The following OSBPL10 variants were observed in gnomAD, a reference collection of about 807,000 sequenced individuals.
The protein encoded by OSBPL10 is oxysterol binding protein like 10.
Under a neutral mutation model 81.7 loss-of-function variants are expected in OSBPL10, and 49 were observed. The observed-to-expected ratio is 0.60, with a 90% CI of 0.48 to 0.76. The LOEUF is 0.76. Among genes scored for constraint, OSBPL10 ranks in the 30% least tolerant of loss-of-function variants. The pLI is 0.00. For missense variants in OSBPL10, 923 were observed against 987.8 expected, an observed-to-expected ratio of 0.93 and a Z score of 0.88; for synonymous variants, 419 against 383.6, an observed-to-expected ratio of 1.09 and a Z score of -1.08.
chr3:31,851,645 C>G (rs1188886580), intron 3 of OSBPL10, among the ~76,000 whole-genome samples: 1 of 152,238 alleles, frequency 6.6e-6, no homozygotes, highest in African/African-American at 2.4e-5. Flanking sequence ...CAGTGCAACA[C>G]AGAGCACAGG....
intron 7 of OSBPL10, among the ~76,000 whole-genome samples, chr3:31,689,558 A>C (rs1700888561): frequency 6.6e-6 from 1 of 152,056 alleles, no homozygotes; most frequent in Admixed American, 6.6e-5. Flanking sequence ...CCCCACCCAA[A>C]TTTCATCTTG....
intron 6 of OSBPL10, chr3:31,710,470 C>CT (rs1696216602): frequency 6.6e-6 from 1 of 152,328 alleles, no homozygotes; most frequent in African/African-American, 2.4e-5. Flanking sequence ...TCTCCTAGGC[C>CT]TTCCCCACTG....
Position 31,692,349 on chromosome 3 carries a change from C to A in OSBPL10, c.1246-8235G>T, listed in dbSNP as rs565072233. Among the ~76,000 whole-genome samples, 19 of 152,204 alleles carry A rather than the reference C, an allele frequency of 1.2e-4. No homozygotes were observed. The South Asian group carries it at 2.7e-3, about 22-fold the overall frequency. On this transcript the variant is annotated intron_variant, in intron 7 of 11. Coordinates refer to ENST00000396556, the MANE Select transcript of OSBPL10 (RefSeq NM_017784.5). The stretch of plus-strand genomic sequence containing the variant: ...AGTGTTAAATTAGTCCAGTGCCTAC[C>A]TAGTATCCAGGAAACGCTCATTCTT...
At chr3:31,769,132 T>C (rs561697441) in intron 4 of OSBPL10, among the ~76,000 whole-genome samples, 350 of 152,032 alleles carry the variant, frequency 2.3e-3, no homozygotes, top group African/African-American at 8.1e-3. Flanking sequence ...AGACAAAACA[T>C]GCAAGCATGA....
At chr3:31,844,513 T>G (rs968020294) in intron 3 of OSBPL10, among the ~76,000 whole-genome samples, 2 of 152,122 alleles carry the variant, frequency 1.3e-5, no homozygotes, top group African/African-American at 4.8e-5. Flanking sequence ...TTGTTGAAAC[T>G]CAAAAACATT....
chr3:31,949,029 G>A (rs1317118314), intron 1 of OSBPL10, among the ~76,000 whole-genome samples: 1 of 152,118 alleles, frequency 6.6e-6, no homozygotes, highest in Non-Finnish European at 1.5e-5. Context: ...AAGTCCAAAG[G>A]AAATAAATGG....
intron 1 of OSBPL10, among the ~76,000 whole-genome samples, chr3:31,900,771 C>A (rs904405107): frequency 6.6e-6 from 1 of 152,174 alleles, no homozygotes; most frequent in African/African-American, 2.4e-5. Context: ...CCTTTTCCTG[C>A]CTTACTGCAA....
chr3:32,026,057 T>TAGATGATAGATAGATAGATGATTGATA lies in OSBPL10; in HGVS notation n.298+20433_298+20434insTATCAATCATCTATCTATCTATCATCT, dbSNP rs58717718. On this transcript the variant is annotated intron_variant and non_coding_transcript_variant, in intron 2 of 3. Transcript: ENST00000479173. ...ATAGATAGATAGATAGATAGATAGA[T>TAGATGATAGATAGATAGATGATTGATA]GATAGATAGATAGATAGATAGATAG... 3.8e-3 allele frequency among the ~76,000 whole-genome samples: 420 copies of TAGATGATAGATAGATAGATGATTGATA among 111,302 alleles called. 2 individuals carry two copies. Among genetic ancestry groups the TAGATGATAGATAGATAGATGATTGATA allele is most frequent in the East Asian group, 0.012 (37 of 3,116 alleles). 73.0% of individuals were successfully genotyped at this position (111,302 alleles called of 152,430 possible). A position where few individuals can be genotyped will look rare whatever the true frequency, so the allele number is the denominator to read the frequency against.
intron 4 of OSBPL10, among the ~76,000 whole-genome samples, chr3:31,764,367 A>G (rs540797773): frequency 1.3e-5 from 2 of 152,322 alleles, no homozygotes; most frequent in Admixed American, 6.5e-5. Flanking sequence ...GTCTTATTCA[A>G]AGGAGATGCC....
chr3:31,663,737 C>CA (rs1433598348), intron 11 of OSBPL10: 42 of 1,166,914 alleles, frequency 3.6e-5, no homozygotes, highest in Non-Finnish European at 4.4e-5. Context: ...GATGATCTAA[C>CA]AGGTGCCATG....
At position 31,733,064 on chromosome 3, in the gene OSBPL10, C is replaced by A. The variant is rs903904960; in HGVS notation, c.1095+193G>T. ...TCGTAGGATCACAATTCACCCACAG[C>A]AGCTGCCAGACACAAGAACATGAGA... On this transcript the variant is annotated intron_variant, in intron 6 of 11. Transcript: ENST00000396556. 70 of 669,344 alleles carry A rather than the reference C, an allele frequency of 1.0e-4. No individual in the cohort carries two copies. The East Asian group carries it at 2.0e-3, about 19-fold the overall frequency. 41.5% of individuals were successfully genotyped at this position (669,344 alleles called of 1,614,324 possible). A position where few individuals can be genotyped will look rare whatever the true frequency, so the allele number is the denominator to read the frequency against.
At chr3:32,066,165 G>GAAGA (rs1335282092) in intron 1 of OSBPL10, among the ~76,000 whole-genome samples, 1 of 12,274 alleles carries the variant, frequency 8.1e-5, no homozygotes, top group African/African-American at 1.5e-4. Context: ...AGGAAGAAAG[G>GAAGA]AAGGAAGGAA....
chr3:31,798,376 GC>G (rs1208108990), intron 4 of OSBPL10, among the ~76,000 whole-genome samples: 1 of 150,536 alleles, frequency 6.6e-6, no homozygotes, highest in East Asian at 2.0e-4. Flanking sequence ...GTTGCAGTGA[GC>G]CGAGATCACA....
intron 2 of OSBPL10, among the ~76,000 whole-genome samples, chr3:32,001,396 A>G (rs1305737281): frequency 6.6e-6 from 1 of 152,158 alleles, no homozygotes; most frequent in Non-Finnish European, 1.5e-5. Context: ...GTATTACTTG[A>G]GGGTCTCTGG....
chr3:31,702,827 ATTAGCAAGTAGGAGT>A (rs1695941787), intron 6 of OSBPL10, among the ~76,000 whole-genome samples: 2 of 152,220 alleles, frequency 1.3e-5, no homozygotes, highest in Admixed American at 6.5e-5. Context: ...CATTTTGCCT[ATTAGCAAGTAGGAGT>A]TTACCAAAGT....
Position 32,065,194 on chromosome 3 carries a change from G to T in OSBPL10, n.185+12202C>A, listed in dbSNP as rs1340869523. On this transcript the variant is annotated intron_variant and non_coding_transcript_variant, in intron 1 of 3. Transcript: ENST00000479173. ...AGTTCTTCATGTACTTTTTCAAGTG[G>T]TATAAAATGACACTTGAAGAGTCTT... 4 of 92,980 alleles carry T rather than the reference G, an allele frequency of 4.3e-5. 2 individuals are homozygous for T. In the Admixed American group the frequency reaches 5.2e-4, roughly 12 times the overall value. 5.8% of individuals were successfully genotyped at this position (92,980 alleles called of 1,614,324 possible). A position where few individuals can be genotyped will look rare whatever the true frequency, so the allele number is the denominator to read the frequency against.
chr3:31,828,096 C>T (rs1307097654), intron 4 of OSBPL10, among the ~76,000 whole-genome samples: 1 of 151,934 alleles, frequency 6.6e-6, no homozygotes, highest in Non-Finnish European at 1.5e-5. Context: ...ATCAAAATAC[C>T]ATAAACTTTC....
intron 4 of OSBPL10, among the ~76,000 whole-genome samples, chr3:31,819,135 C>T (rs1699921499): frequency 1.3e-5 from 2 of 152,196 alleles, no homozygotes; most frequent in African/African-American, 4.8e-5. Context: ...GCTAGGGATG[C>T]AGCTCCCACA....
intron 4 of OSBPL10, among the ~76,000 whole-genome samples, chr3:31,753,264 C>T (rs1260729302): frequency 6.6e-6 from 1 of 151,646 alleles, no homozygotes; most frequent in African/African-American, 2.4e-5. Flanking sequence ...CTCAGCTCAC[C>T]GCAACTTCCG....
Sources: gnomAD v4.1 joint callset for allele counts (sites outside exome capture counted in the v4.1 genomes callset) on GRCh38, gnomAD v4.1.1 for gene constraint, MANE v1.5 for transcripts, NCBI Gene and HGNC (gene_info 2026-07-23, HGNC 2026-07-21) for gene names.